Variants in SEMA3F observed in about 807,000 individuals in gnomAD.
The protein encoded by SEMA3F is semaphorin 3F.
In SEMA3F, 30 loss-of-function variants were observed where a neutral mutation model predicts 98.5. That is an observed-to-expected ratio of 0.30 (90% CI 0.23 to 0.41). The LOEUF (loss-of-function observed/expected upper bound fraction) is 0.41. Ranked by LOEUF, SEMA3F falls within the 10% of genes least tolerant of loss-of-function variation. SEMA3F has a pLI of 1.00. For synonymous variants in SEMA3F, 380 were observed against 444.8 expected (o/e 0.85, Z 1.83); for missense variants, 866 against 1,119.3 (o/e 0.77, Z 3.23).
At chr3:50,155,168 C>T (rs1460696798), upstream of SEMA3F, 1 of 348,482 alleles carries the variant, frequency 2.9e-6, no homozygotes. This position sits in a 1 kb window ranked among gnomAD's most constrained non-coding sequence, Gnocchi z 4.9. Context: ...AGGAACCGTG[C>T]AGCCCAGCGC....
intron 2 of SEMA3F, among the ~76,000 whole-genome samples, chr3:50,172,244 G>A (rs1260327578): frequency 6.6e-6 from 1 of 152,218 alleles, no homozygotes; most frequent in Non-Finnish European, 1.5e-5. Context: ...GCATGCCTGT[G>A]CCACGTGTAT....
Position 50,182,422 on chromosome 3 carries a change from G to C in SEMA3F, c.763+19G>C. 6.2e-7 allele frequency: 1 copy of C among 1,612,692 alleles called. No individual in the cohort carries two copies. Among genetic ancestry groups the C allele is most frequent in the South Asian group, 1.1e-5 (1 of 91,076 alleles). ...CTGAACGGTAAGCGCAGCCCCAGGAGCCCTTCCGTGGCCATGTGTCTGGGA... is the reference window on the plus strand; with the variant it reads ...CTGAACGGTAAGCGCAGCCCCAGGACCCCTTCCGTGGCCATGTGTCTGGGA... On this transcript the variant is annotated intron_variant, in intron 8 of 18. Coordinates refer to ENST00000002829, the MANE Select transcript of SEMA3F (RefSeq NM_004186.5). The surrounding 1 kb of genome is among the most constrained non-coding windows in gnomAD (Gnocchi z 4.5).
At position 50,183,645 on chromosome 3, in the gene SEMA3F, C is replaced by T. The variant is rs1699101408; in HGVS notation, c.1233+81C>T. On this transcript the variant is annotated intron_variant, in intron 12 of 18. Transcript: ENST00000002829. ...GGTCAGGCTCTTTGCAACATGGGCC[C>T]CACCATCATGGCCCTCCCAGCCAGC... The T allele has an allele frequency of 5.4e-6, 8 of 1,468,654 alleles. No individual in the cohort carries two copies. The East Asian group carries it at 6.8e-5, about 12-fold the overall frequency. The allele number at this position is 1,468,654 out of a possible 1,614,324, so 91.0% of individuals were successfully genotyped here.
Position 50,182,897 on chromosome 3 carries a change from C to G in SEMA3F, c.904-7C>G. 1.9e-6 allele frequency: 3 copies of G among 1,613,338 alleles called. No individual in the cohort carries two copies. The highest frequency in any genetic ancestry group is 2.5e-6 in the Non-Finnish European group (3 of 1,179,560). Reference sequence around the variant, plus strand: ...GATCTGACCCGGCCTCTTGCCCCACCCCCCAGAACGATGACGGTGGTCACT... The same window carrying G: ...GATCTGACCCGGCCTCTTGCCCCACGCCCCAGAACGATGACGGTGGTCACT... On this transcript the variant is annotated splice_polypyrimidine_tract_variant and splice_region_variant and intron_variant, in intron 9 of 18. Transcript: ENST00000002829. The surrounding 1 kb of genome is among the most constrained non-coding windows in gnomAD (Gnocchi z 4.5).
At chr3:50,177,887 T>A (rs577840615) in intron 7 of SEMA3F, among the ~76,000 whole-genome samples, 126 of 152,120 alleles carry the variant, frequency 8.3e-4, no homozygotes, top group African/African-American at 2.9e-3. Context: ...AAACATTTTT[T>A]AAATTATATA....
intron 2 of SEMA3F, chr3:50,173,557 G>T: frequency 1.9e-6 from 1 of 529,374 alleles, no homozygotes; most frequent in Non-Finnish European, 3.4e-6. Context: ...CAGGAGAATC[G>T]CTTGAACCCA....
intron 7 of SEMA3F, among the ~76,000 whole-genome samples, 170 bp downstream of exon 7, chr3:50,177,031 G>A (rs1380054002): frequency 1.3e-5 from 2 of 152,226 alleles, no homozygotes; most frequent in Non-Finnish European, 2.9e-5. Context: ...AGACCCCACT[G>A]TGAGCTGAGG....
chr3:50,159,779 C>A (rs747970830), intron 2 of SEMA3F, 45 bp downstream of exon 2: 37 of 1,291,042 alleles, frequency 2.9e-5, no homozygotes, highest in Non-Finnish European at 3.9e-5. Context: ...CCTCTCTTTA[C>A]AATAGCGCTC....
At chr3:50,157,198 G>A (rs1250175451) in intron 1 of SEMA3F, among the ~76,000 whole-genome samples, 1 of 151,934 alleles carries the variant, frequency 6.6e-6, no homozygotes, top group Non-Finnish European at 1.5e-5. Flanking sequence ...TCTGGATCCG[G>A]CTGTACAGTT....
chr3:50,174,412 A>T, intron 5 of SEMA3F, 62 bp downstream of exon 5: 1 of 1,552,828 alleles, frequency 6.4e-7, no homozygotes, highest in Non-Finnish European at 8.7e-7. Flanking sequence ...CAGGGTCCTG[A>T]TGGGAGGAGG....
chr3:50,174,789 G>A (rs1433805509), intron 5 of SEMA3F, among the ~76,000 whole-genome samples: 1 of 152,154 alleles, frequency 6.6e-6, no homozygotes, highest in East Asian at 1.9e-4. Flanking sequence ...GTTGTGGGGA[G>A]CTGCCCCTTC....
Position 50,185,996 on chromosome 3 carries a change from C to T in SEMA3F, c.1695C>T (p.Tyr565=). The T allele has an allele frequency of 6.2e-7, 1 of 1,614,104 alleles. No individual in the cohort carries two copies. Among genetic ancestry groups the T allele is most frequent in the Non-Finnish European group, 8.5e-7 (1 of 1,179,974 alleles). Residue 565 remains tyrosine, a synonymous_variant, in exon 16 of 19, where the codon TAC becomes TAT. Coordinates refer to ENST00000002829, the MANE Select transcript of SEMA3F (RefSeq NM_004186.5). ...CADCCLARDP[Y]CAWDGQACSR... ...ACTGCTGCCTTGCCCGGGACCCTTA[C>T]TGTGCCTGGGATGGCCAGGCCTGCT...
chr3:50,186,853 C>T (rs981163441), intron 18 of SEMA3F, 107 bp downstream of exon 18: 68 of 1,177,152 alleles, frequency 5.8e-5, no homozygotes, highest in Non-Finnish European at 7.6e-5. Flanking sequence ...AAACCCCTTC[C>T]AAGCTCCCTT....
intron 17 of SEMA3F, 42 bp from the exon 18 acceptor site, chr3:50,186,571 C>T (rs112140180): frequency 7.0e-6 from 11 of 1,568,630 alleles, no homozygotes; most frequent in Middle Eastern, 1.7e-4. Context: ...GCAGGCTGCC[C>T]GGAGGTGATG....
In SEMA3F at chr3:50,185,697, C is replaced by T; in HGVS notation, c.1577C>T (p.Ser526Phe). The T allele has an allele frequency of 6.2e-7, 1 of 1,614,198 alleles. No homozygotes were observed. The highest frequency in any genetic ancestry group is 8.5e-7 in the Non-Finnish European group (1 of 1,180,018). The change falls in exon 15 of 19, where the codon TCT becomes TTT. Residue 526 changes from serine to phenylalanine, a missense_variant. Transcript: ENST00000002829. ...GCACCCGTCAAGACCATGACCATCT[C>T]TTCTAAGAGGGTAAGCCTTTGGCGA... ...DPAPVKTMTI[S>F]SKRQQLYVAS...
At chr3:50,159,988 C>T (rs1337918091) in intron 2 of SEMA3F, among the ~76,000 whole-genome samples, 1 of 152,170 alleles carries the variant, frequency 6.6e-6, no homozygotes, top group Non-Finnish European at 1.5e-5. Flanking sequence ...GGTTCCTGGG[C>T]TGGGTGGCCT....
At position 50,173,939 on chromosome 3, in the gene SEMA3F, C is replaced by A. The variant is rs773862039; in HGVS notation, c.259C>A (p.Arg87Ser). The change falls in exon 3 of 19, where the codon CGC (arginine) becomes AGC (serine). Residue 87 changes from arginine (R) to serine (S), a missense_variant. By Grantham distance (110) the Arg-to-Ser change is moderately radical. Coordinates refer to ENST00000002829, the MANE Select transcript of SEMA3F (RefSeq NM_004186.5). ...GTCCCTGGACCTGCACGACATCAAC[C>A]GCGAGCCCCTCATTGTAAGGGCTGG... The part of the protein sequence containing the change: ...VLSLDLHDIN[R>S]EPLIIHWAAS... 6.2e-7 allele frequency: 1 copy of A among 1,614,136 alleles called. No individual in the cohort carries two copies.
intron 2 of SEMA3F, among the ~76,000 whole-genome samples, chr3:50,171,043 C>G (rs1466328499): frequency 1.3e-5 from 2 of 152,190 alleles, no homozygotes; most frequent in East Asian, 3.9e-4. Context: ...CCCCCATGCA[C>G]TCTGGCATGT....
chr3:50,158,938 G>T lies in SEMA3F; in HGVS notation c.-48-637G>T, dbSNP rs1698098462. 6.6e-6 allele frequency: 1 copy of T among 152,286 alleles called. No homozygotes were observed. The highest frequency in any genetic ancestry group is 1.5e-5 in the Non-Finnish European group (1 of 68,088). 9.4% of individuals were successfully genotyped at this position (152,286 alleles called of 1,614,324 possible). A position where few individuals can be genotyped will look rare whatever the true frequency, so the allele number is the denominator to read the frequency against. ...AGCTGGAAGTTTTCCCTGGCAGGAAGTCCTTCTGCCTGTCTGACCTGGGTC... is the reference window on the plus strand; with the variant it reads ...AGCTGGAAGTTTTCCCTGGCAGGAATTCCTTCTGCCTGTCTGACCTGGGTC... On this transcript the variant is annotated intron_variant, in intron 1 of 18. Transcript: ENST00000002829. This position sits in a 1 kb window ranked among gnomAD's most constrained non-coding sequence, Gnocchi z 4.8.
Sources: gnomAD v4.1 joint callset for allele counts (sites outside exome capture counted in the v4.1 genomes callset) on GRCh38, gnomAD v4.1.1 for gene constraint, Gnocchi (gnomAD v3.1) non-coding constraint, MANE v1.5 for transcripts, NCBI Gene and HGNC (gene_info 2026-07-23, HGNC 2026-07-21) for gene names.